Variants in OCA2 observed in about 807,000 individuals in gnomAD.
OCA2 encodes the protein OCA2 melanosomal transmembrane protein.
In OCA2, 77 loss-of-function variants were observed where a neutral mutation model predicts 100.2. That is an observed-to-expected ratio of 0.77 (90% CI 0.64 to 0.93). OCA2 has a LOEUF of 0.93. Among genes scored for constraint, OCA2 ranks in the 40% least tolerant of loss-of-function variants. OCA2 has a pLI of 0.00. For synonymous variants in OCA2, 432 were observed against 439.2 expected (o/e 0.98, Z 0.21); for missense variants, 1,062 against 1,089.1 (o/e 0.98, Z 0.35).
At chr15:27,861,832 G>A (rs369760944) in intron 21 of OCA2, among the ~76,000 whole-genome samples, 28 of 152,226 alleles carry the variant, frequency 1.8e-4, no homozygotes, top group Admixed American at 1.0e-3. Flanking sequence ...CTGGAGACAC[G>A]GCAGCAAGTC....
the OCA2 span, among the ~76,000 whole-genome samples, chr15:27,730,077 C>A: frequency 6.6e-6 from 1 of 152,310 alleles, no homozygotes; most frequent in South Asian, 2.1e-4. Flanking sequence ...CTCAAGACCA[C>A]CCCAACTTCA....
At chr15:27,951,650 C>A in intron 18 of OCA2, 134 bp downstream of exon 18, 1 of 728,444 alleles carries the variant, frequency 1.4e-6, no homozygotes, top group South Asian at 1.5e-5. Flanking sequence ...GGCTGCCCAC[C>A]CTCCATCTCA....
Position 27,950,553 on chromosome 15 carries a change from A to C in OCA2, c.1951+1231T>G, listed in dbSNP as rs766485140. 5.0e-5 allele frequency: 26 copies of C among 518,080 alleles called. No individual in the cohort carries two copies. In the Admixed American group the frequency reaches 5.1e-4, roughly 10 times the overall value. The allele number at this position is 518,080 out of a possible 1,614,324, so 32.1% of individuals were successfully genotyped here. A position where few individuals can be genotyped will look rare whatever the true frequency, so the allele number is the denominator to read the frequency against. ...AAATAATACCTGCCAGCTTGAACCAAGCCCAGGCCACCTGGCAAGTTGGAT... is the reference window on the plus strand; with the variant it reads ...AAATAATACCTGCCAGCTTGAACCACGCCCAGGCCACCTGGCAAGTTGGAT... On this transcript the variant is annotated intron_variant, in intron 18 of 23. Coordinates refer to ENST00000354638, the MANE Select transcript of OCA2 (RefSeq NM_000275.3).
chr15:28,017,224 TG>T (rs987548615), intron 7 of OCA2, among the ~76,000 whole-genome samples: 12 of 152,134 alleles, frequency 7.9e-5, no homozygotes, highest in African/African-American at 2.9e-4. Context: ...AGAGCGTATC[TG>T]GGGGGAAAAA....
chr15:27,814,231 AAC>A (rs1429015499), intron 23 of OCA2, among the ~76,000 whole-genome samples: 2 of 152,136 alleles, frequency 1.3e-5, no homozygotes, highest in Non-Finnish European at 2.9e-5. Context: ...AACAAGAAAA[AAC>A]ACAGAATTTT....
chr15:27,888,657 T>A (rs752175608), intron 19 of OCA2, among the ~76,000 whole-genome samples: 2 of 152,020 alleles, frequency 1.3e-5, no homozygotes, highest in Non-Finnish European at 2.9e-5. Context: ...ACAGAATTTC[T>A]TTTTTTTAAT....
At chr15:27,832,327 C>G (rs1397684964) in intron 23 of OCA2, among the ~76,000 whole-genome samples, 2 of 152,232 alleles carry the variant, frequency 1.3e-5, no homozygotes, top group African/African-American at 4.8e-5. Flanking sequence ...CCTGTCCATT[C>G]CACTGCAGGG....
intron 6 of OCA2, 112 bp from the exon 7 acceptor site, chr15:28,018,669 G>A: frequency 1.0e-6 from 1 of 999,258 alleles, no homozygotes; most frequent in Non-Finnish European, 1.5e-6. Flanking sequence ...CGTTTCCCCA[G>A]GTGCCCCACG....
chr15:27,787,493 A>G (rs1202688564), intron 23 of OCA2, among the ~76,000 whole-genome samples: 1 of 152,084 alleles, frequency 6.6e-6, no homozygotes, highest in Non-Finnish European at 1.5e-5. Context: ...CTTTCTACAC[A>G]TGTAGCCATT....
chr15:27,902,745 C>CT (rs1462550168), intron 19 of OCA2, among the ~76,000 whole-genome samples: 4 of 152,308 alleles, frequency 2.6e-5, no homozygotes, highest in South Asian at 4.1e-4. Flanking sequence ...CCTCTGCAGG[C>CT]TGGGGGCGGG....
At chr15:27,976,824 T>C (rs2140919411) in intron 14 of OCA2, among the ~76,000 whole-genome samples, 1 of 152,310 alleles carries the variant, frequency 6.6e-6, no homozygotes, top group Admixed American at 6.5e-5. Flanking sequence ...TATAACATTA[T>C]TTTTTCCTTA....
chr15:27,726,300 A>AAAAT, the OCA2 span, among the ~76,000 whole-genome samples: 16,299 of 146,396 alleles, frequency 0.11, 925 homozygotes, highest in East Asian at 0.13. Context: ...TCCAGCTCAA[A>AAAAT]AAATAAATAA....
chr15:27,841,594 G>C (rs1204494299), intron 23 of OCA2, among the ~76,000 whole-genome samples: 1 of 152,114 alleles, frequency 6.6e-6, no homozygotes, highest in African/African-American at 2.4e-5. Flanking sequence ...TTTGACTATA[G>C]AATATCTAAA....
At chr15:28,011,020 T>C (rs2042224428) in intron 9 of OCA2, among the ~76,000 whole-genome samples, 1 of 152,182 alleles carries the variant, frequency 6.6e-6, no homozygotes. Context: ...CCCAGAGAGA[T>C]ACCCCACAAA....
chr15:27,761,087 T>TA (rs2030795288), intron 23 of OCA2, among the ~76,000 whole-genome samples: 1 of 151,726 alleles, frequency 6.6e-6, no homozygotes, highest in Non-Finnish European at 1.5e-5. Context: ...CCCAAGTCAG[T>TA]ATAATAAGGC....
intron 2 of OCA2, among the ~76,000 whole-genome samples, chr15:28,069,031 C>G (rs2044110686): frequency 6.6e-6 from 1 of 152,086 alleles, no homozygotes; most frequent in Admixed American, 6.5e-5. Context: ...AGAGCTGGAA[C>G]AAGACAAGGA....
intron 19 of OCA2, among the ~76,000 whole-genome samples, chr15:27,924,310 A>T (rs1448487): frequency 0.64 from 97,217 of 152,016 alleles, 31,695 homozygotes; most frequent in East Asian, 0.96. Context: ...CTCCAAAAAA[A>T]ATTCCCATAC....
At chr15:27,790,786 A>AT (rs2033043499) in intron 23 of OCA2, among the ~76,000 whole-genome samples, 2 of 127,512 alleles carry the variant, frequency 1.6e-5, no homozygotes, top group Non-Finnish European at 1.7e-5. Context: ...AATTACCCTG[A>AT]ATTTTTTTTT....
At chr15:27,845,792 C>T (rs1395366310) in intron 22 of OCA2, among the ~76,000 whole-genome samples, 6 of 152,280 alleles carry the variant, frequency 3.9e-5, no homozygotes, top group Admixed American at 1.3e-4. Context: ...CGTGCACACA[C>T]GGTTGAGGAA....
Sources: gnomAD v4.1 joint callset for allele counts (sites outside exome capture counted in the v4.1 genomes callset) on GRCh38, gnomAD v4.1.1 for gene constraint, MANE v1.5 for transcripts, NCBI Gene and HGNC (gene_info 2026-07-23, HGNC 2026-07-21) for gene names.